The following POU2F1 variants were observed in gnomAD, a reference collection of about 807,000 sequenced individuals.
POU2F1 encodes the protein POU class 2 homeobox 1.
Under a neutral mutation model 84.9 loss-of-function variants are expected in POU2F1, and 16 were observed. The observed-to-expected ratio is 0.19, with a 90% confidence interval of 0.13 to 0.29. The LOEUF (loss-of-function observed/expected upper bound fraction) is 0.29, where lower values mean the gene tolerates loss of function less well. Ranked by LOEUF, POU2F1 falls within the 10% of genes least tolerant of loss-of-function variation. The pLI is 1.00. For synonymous variants in POU2F1, 368 were observed against 368.3 expected (o/e 1.00, Z 0.01); for missense variants, 738 against 942.6 (o/e 0.78, Z 2.84).
chr1:167,311,896 T>G (rs1035223665), intron 1 of POU2F1, among the ~76,000 whole-genome samples: 5 of 150,476 alleles, frequency 3.3e-5, no homozygotes, highest in African/African-American at 1.2e-4. Context: ...TCCACCTCCT[T>G]GGTTCAAGCA....
intron 1 of POU2F1, among the ~76,000 whole-genome samples, chr1:167,250,942 G>A (rs1210119620): frequency 1.3e-5 from 2 of 152,114 alleles, no homozygotes; most frequent in Non-Finnish European, 2.9e-5. Flanking sequence ...AATTCTAAAA[G>A]CAAATTAAGA....
intron 1 of POU2F1, among the ~76,000 whole-genome samples, chr1:167,269,937 A>C (rs1158375065): frequency 6.7e-6 from 1 of 150,240 alleles, no homozygotes; most frequent in Non-Finnish European, 1.5e-5. Flanking sequence ...AAAGAGTAAG[A>C]GTCGAACTTA....
At chr1:167,228,048 G>T (rs959237813) in intron 1 of POU2F1, among the ~76,000 whole-genome samples, 6 of 152,186 alleles carry the variant, frequency 3.9e-5, no homozygotes, top group African/African-American at 1.4e-4. Context: ...CTGCCCCATT[G>T]CTGTCAGTCA....
intron 13 of POU2F1, 44 bp downstream of exon 13, chr1:167,401,600 C>T (rs1050029613): frequency 7.2e-7 from 1 of 1,388,038 alleles, no homozygotes; most frequent in Non-Finnish European, 9.9e-7. Context: ...ACATGGGAGG[C>T]CCGTTTTGGG....
intron 13 of POU2F1, among the ~76,000 whole-genome samples, chr1:167,406,853 TAAAAG>T (rs1649612069): frequency 6.6e-6 from 1 of 152,036 alleles, no homozygotes; most frequent in Non-Finnish European, 1.5e-5. Context: ...TGAAAGAAGT[TAAAAG>T]AAGTCTAAAT....
At chr1:167,323,669 T>G (rs775715443) in intron 1 of POU2F1, among the ~76,000 whole-genome samples, 2 of 152,150 alleles carry the variant, frequency 1.3e-5, no homozygotes, top group Non-Finnish European at 2.9e-5. Context: ...TCATGCTAGT[T>G]GTACTAATTT....
chr1:167,230,370 AT>A lies in POU2F1; in HGVS notation c.61+9422del, dbSNP rs202130183. 1.4e-4 allele frequency among the ~76,000 whole-genome samples: 21 copies of A among 150,368 alleles called. No homozygotes were observed. The South Asian group carries it at 3.0e-3, about 21-fold the overall frequency. Reference sequence around the variant, plus strand: ...TTTAGGACAAGTTACTTCACCATGGATTTTTTTTTTAATTGCATTTGTAAAA... The same window carrying A: ...TTTAGGACAAGTTACTTCACCATGGATTTTTTTTTAATTGCATTTGTAAAA... On this transcript the variant is annotated intron_variant, in intron 1 of 15. Transcript: ENST00000367866.
intron 1 of POU2F1, among the ~76,000 whole-genome samples, chr1:167,230,760 T>A (rs748577854): frequency 3.9e-5 from 6 of 152,234 alleles, no homozygotes; most frequent in Non-Finnish European, 8.8e-5. Flanking sequence ...TGTAAGTAAA[T>A]CTTGTCCTAA....
rs566679670 is a variant in POU2F1, at chr1:167,415,825, G to A, written c.*15G>A. 2 of 1,604,570 alleles carry A rather than the reference G, an allele frequency of 1.2e-6. No homozygotes were observed. The highest frequency in any genetic ancestry group is 1.3e-5 in the African/African-American group (1 of 74,672). On this transcript the variant is annotated 3_prime_UTR_variant, in exon 16 of 16. Transcript: ENST00000367866. ...AGGCACAGTGAGCTGGGCAGAGCTGGGCTGCCAGAAGCCTTTTTCACTCTG... is the reference window on the plus strand; with the variant it reads ...AGGCACAGTGAGCTGGGCAGAGCTGAGCTGCCAGAAGCCTTTTTCACTCTG...
At chr1:167,415,051 C>G (rs1336892212) in intron 15 of POU2F1, among the ~76,000 whole-genome samples, 3 of 152,192 alleles carry the variant, frequency 2.0e-5, no homozygotes, top group African/African-American at 7.2e-5. Context: ...AGGCAGGCCT[C>G]AGGCTGTAAT....
intron 1 of POU2F1, among the ~76,000 whole-genome samples, chr1:167,294,970 C>CTA (rs2102546411): frequency 6.6e-6 from 1 of 152,114 alleles, no homozygotes; most frequent in East Asian, 1.9e-4. Context: ...CCCATCTCTA[C>CTA]TAAAAATACA....
At chr1:167,392,067 A>G (rs1648457259) in intron 9 of POU2F1, among the ~76,000 whole-genome samples, 3 of 152,142 alleles carry the variant, frequency 2.0e-5, no homozygotes, top group Admixed American at 1.3e-4. Context: ...AAAGAAAGCT[A>G]GGCCGGGCAC....
At chr1:167,308,876 AATTAT>A (rs1263647251) in intron 1 of POU2F1, among the ~76,000 whole-genome samples, 1 of 152,198 alleles carries the variant, frequency 6.6e-6, no homozygotes, top group Non-Finnish European at 1.5e-5. Context: ...TTGATTTCCC[AATTAT>A]ATTATTCTAC....
At chr1:167,299,161 C>T (rs1331426858) in intron 1 of POU2F1, among the ~76,000 whole-genome samples, 1 of 58,562 alleles carries the variant, frequency 1.7e-5, no homozygotes, top group Admixed American at 2.3e-4. Flanking sequence ...GAAACGCCAT[C>T]TCAAAAAAAA....
At position 167,221,089 on chromosome 1, in the gene POU2F1, G is replaced by GGGAGCATTGAGCCCCCGC; in HGVS notation, c.61+132_61+149dup. ...TTAACGGCGGGGAGATGGGGGGCCG[G>GGGAGCATTGAGCCCCCGC]GGAGCATTGAGCCCCCGCCGGGCGC... On this transcript the variant is annotated intron_variant, in intron 1 of 15. Coordinates refer to ENST00000367866, the MANE Select transcript of POU2F1 (RefSeq NM_002697.4). The GGGAGCATTGAGCCCCCGC allele has an allele frequency of 7.9e-6, 7 of 890,606 alleles. No homozygotes were observed. In the South Asian group the frequency reaches 1.1e-4, roughly 14 times the overall value. The allele number at this position is 890,606 out of a possible 1,614,324, so 55.2% of individuals were successfully genotyped here. A position where few individuals can be genotyped will look rare whatever the true frequency, so the allele number is the denominator to read the frequency against.
chr1:167,239,075 A>T (rs1052288856), intron 1 of POU2F1, among the ~76,000 whole-genome samples: 1 of 152,122 alleles, frequency 6.6e-6, no homozygotes, highest in East Asian at 1.9e-4. Context: ...AACCCTGACA[A>T]ACTTTTTTTC....
chr1:167,406,626 CAAAAAAA>C (rs1557964848), intron 13 of POU2F1, among the ~76,000 whole-genome samples: 1 of 151,496 alleles, frequency 6.6e-6, no homozygotes, highest in Non-Finnish European at 1.5e-5. Context: ...AGGAATTCAC[CAAAAAAA>C]GGTATCTAGG....
At position 167,327,693 on chromosome 1, in the gene POU2F1, C is replaced by T. The variant is rs185989903; in HGVS notation, c.62-4777C>T. Among the ~76,000 whole-genome samples the T allele has an allele frequency of 1.7e-3, 254 of 152,262 alleles. 2 individuals carry two copies. Among genetic ancestry groups the T allele is most frequent in the Non-Finnish European group, 2.2e-3 (151 of 68,022 alleles). On this transcript the variant is annotated intron_variant, in intron 1 of 15. Transcript: ENST00000367866. Reference sequence around the variant, plus strand: ...GCCGTTTACTGGTTTCTTCACTACACGGAAAACAAACCATTCAGTCTGCTG... The same window carrying T: ...GCCGTTTACTGGTTTCTTCACTACATGGAAAACAAACCATTCAGTCTGCTG...
intron 1 of POU2F1, among the ~76,000 whole-genome samples, chr1:167,236,742 G>A (rs1321203041): frequency 6.6e-6 from 1 of 152,154 alleles, no homozygotes. Flanking sequence ...TGCAGAGTCT[G>A]GGCAGGGATG....
Sources: gnomAD v4.1 joint callset for allele counts (sites outside exome capture counted in the v4.1 genomes callset) on GRCh38, gnomAD v4.1.1 for gene constraint, MANE v1.5 for transcripts, NCBI Gene and HGNC (gene_info 2026-07-23, HGNC 2026-07-21) for gene names.